KLF13: variants seen among roughly 807,000 people sequenced by gnomAD.
The protein encoded by KLF13 is Krueppel-like factor 13.
In KLF13, 8 loss-of-function variants were observed where a neutral mutation model predicts 16.7. The ratio of observed to expected loss-of-function variants is 0.48; its 90% CI spans 0.28 to 0.87. The LOEUF (loss-of-function observed/expected upper bound fraction) is 0.87. KLF13 is among the 40% of genes least tolerant of loss of function. KLF13 has a pLI of 0.10. For synonymous variants in KLF13, 245 were observed against 208.4 expected (o/e 1.18, Z -1.51); for missense variants, 447 against 452.2 (o/e 0.99, Z 0.10).
intron 1 of KLF13, among the ~76,000 whole-genome samples, chr15:31,358,784 C>T (rs7168452): frequency 1 from 152,190 of 152,346 alleles, 76,017 homozygotes; most frequent in Non-Finnish European, 1. Context: ...AGGAATGTCA[C>T]CCCTGGGCTA....
chr15:31,407,279 A>G (rs186252371), downstream of KLF13, among the ~76,000 whole-genome samples: 525 of 152,268 alleles, frequency 3.4e-3, 3 homozygotes, highest in Non-Finnish European at 6.2e-3. Context: ...GGAGTTCAAG[A>G]CCAGCCTGGG....
intron 2 of KLF13, among the ~76,000 whole-genome samples, chr15:31,397,263 G>A (rs1201195637): frequency 3.3e-5 from 5 of 151,810 alleles, no homozygotes; most frequent in Non-Finnish European, 5.9e-5. Context: ...GGCAGGGCAG[G>A]GCAGGGGTGC....
rs1354661793 is a variant in KLF13 at position 31,427,886 on chromosome 15, A to G, written n.118-7484A>G. Among the ~76,000 whole-genome samples the G allele has an allele frequency of 2.0e-5, 3 of 152,178 alleles. No individual in the cohort carries two copies. In the East Asian group the frequency reaches 5.8e-4, roughly 29 times the overall value. Reference sequence around the variant, plus strand: ...ATCTTCCAAGTACTCACTCACTATCATGAGACCAACACCAAGGAAGAAATC... The same window carrying G: ...ATCTTCCAAGTACTCACTCACTATCGTGAGACCAACACCAAGGAAGAAATC... On this transcript the variant is annotated intron_variant and non_coding_transcript_variant, in intron 1 of 1. Transcript: ENST00000558225.
intron 1 of KLF13, chr15:31,420,556 C>A: frequency 2.0e-6 from 1 of 508,216 alleles, no homozygotes; most frequent in Non-Finnish European, 3.7e-6. Context: ...GAGAACCCAA[C>A]ATTGATAGCC....
chr15:31,368,039 T>C (rs1261049523), intron 1 of KLF13, among the ~76,000 whole-genome samples: 1 of 149,428 alleles, frequency 6.7e-6, no homozygotes, highest in Non-Finnish European at 1.5e-5. Context: ...CTTGCTGCCT[T>C]CCCCGTCTCC....
chr15:31,335,484 C>T lies in KLF13; in HGVS notation c.577+7695C>T, dbSNP rs1342314987. ...GTGTGTGTGTGTGTGTGTATGGTGG[C>T]GGGGCAGGGGGCGGGGGGAGGGCAC... On this transcript the variant is annotated intron_variant, in intron 1 of 1. Coordinates refer to ENST00000307145, the MANE Select transcript of KLF13 (RefSeq NM_015995.4). Among the ~76,000 whole-genome samples, 46 of 12,004 alleles carry T rather than the reference C, an allele frequency of 3.8e-3. 2 individuals carry two copies. Among genetic ancestry groups the T allele is most frequent in the East Asian group, 0.021 (17 of 808 alleles). 7.9% of individuals were successfully genotyped at this position (12,004 alleles called of 152,430 possible).
chr15:31,381,315 C>T (rs1278376327), downstream of KLF13, among the ~76,000 whole-genome samples: 1 of 152,120 alleles, frequency 6.6e-6, no homozygotes. Flanking sequence ...GGCTAAAATC[C>T]AGGTGTCATC....
chr15:31,357,710 C>A (rs2039321841), intron 1 of KLF13, among the ~76,000 whole-genome samples: 1 of 152,136 alleles, frequency 6.6e-6, no homozygotes, highest in Admixed American at 6.5e-5. Flanking sequence ...CCTCTGGTTC[C>A]TGGCAGGTGC....
downstream of KLF13, among the ~76,000 whole-genome samples, chr15:31,381,198 A>G (rs1343335204): frequency 6.6e-6 from 1 of 151,768 alleles, no homozygotes; most frequent in Non-Finnish European, 1.5e-5. Flanking sequence ...TAGAATGCCT[A>G]TTCCTGCTGT....
intron 2 of KLF13, among the ~76,000 whole-genome samples, chr15:31,402,081 A>G (rs1037234489): frequency 6.6e-6 from 1 of 152,200 alleles, no homozygotes; most frequent in African/African-American, 2.4e-5. Context: ...AGCAGCACCA[A>G]TGTCCACTCC....
intron 1 of KLF13, among the ~76,000 whole-genome samples, chr15:31,422,188 C>T (rs1320064761): frequency 1.3e-5 from 2 of 151,202 alleles, no homozygotes; most frequent in Non-Finnish European, 2.9e-5. Flanking sequence ...TTTTCAGAAC[C>T]TCAAGACCCA....
At chr15:31,425,970 A>G (rs1595515714) in intron 1 of KLF13, among the ~76,000 whole-genome samples, 1 of 152,184 alleles carries the variant, frequency 6.6e-6, no homozygotes, top group South Asian at 2.1e-4. Flanking sequence ...GATACCCTAA[A>G]TTATTTTTCT....
chr15:31,393,917 A>AG (rs2039913740), intron 2 of KLF13, among the ~76,000 whole-genome samples: 1 of 152,154 alleles, frequency 6.6e-6, no homozygotes, highest in Non-Finnish European at 1.5e-5. Flanking sequence ...GTGGGGGGAC[A>AG]GGCAGCGGCA....
chr15:31,348,724 T>C (rs1190390895), intron 1 of KLF13, among the ~76,000 whole-genome samples: 1 of 152,142 alleles, frequency 6.6e-6, no homozygotes, highest in Non-Finnish European at 1.5e-5. Flanking sequence ...GCCCCAGAGC[T>C]GTGGTGGAGG....
At chr15:31,390,450 ATCT>A (rs1223331824), upstream of KLF13, among the ~76,000 whole-genome samples, 1 of 152,188 alleles carries the variant, frequency 6.6e-6, no homozygotes, top group East Asian at 1.9e-4. Flanking sequence ...CTTGCCAATC[ATCT>A]TCTTACAACC....
At chr15:31,329,621 C>T (rs986365584) in intron 1 of KLF13, among the ~76,000 whole-genome samples, 1 of 152,094 alleles carries the variant, frequency 6.6e-6, no homozygotes. Flanking sequence ...AGAATATTGG[C>T]GCAGGGGCTC....
intron 1 of KLF13, among the ~76,000 whole-genome samples, chr15:31,418,104 T>C (rs1439924875): frequency 6.6e-6 from 1 of 152,162 alleles, no homozygotes; most frequent in Non-Finnish European, 1.5e-5. Flanking sequence ...GAGCTTTACT[T>C]CTAAGTAACT....
intron 1 of KLF13, among the ~76,000 whole-genome samples, chr15:31,346,481 C>T (rs2039119900): frequency 6.6e-6 from 1 of 152,196 alleles, no homozygotes. Flanking sequence ...GTGGAAAGCC[C>T]CCAGGCCACA....
intron 2 of KLF13, among the ~76,000 whole-genome samples, chr15:31,398,653 C>T (rs1228971818): frequency 6.6e-6 from 1 of 152,128 alleles, no homozygotes; most frequent in Non-Finnish European, 1.5e-5. Context: ...CCACCTTTGT[C>T]CCCAGGCACA....
Sources: gnomAD v4.1 joint callset for allele counts (sites outside exome capture counted in the v4.1 genomes callset) on GRCh38, gnomAD v4.1.1 for gene constraint, MANE v1.5 for transcripts, NCBI Gene and HGNC (gene_info 2026-07-23, HGNC 2026-07-21) for gene names.